AFAP1L1: variants seen among roughly 807,000 people sequenced by gnomAD.
AFAP1L1 encodes actin filament associated protein 1 like 1, also known as actin filament-associated protein 1-like 1.
In AFAP1L1, 77 loss-of-function variants were observed where a neutral mutation model predicts 99.8. That is an observed-to-expected ratio of 0.77 (90% CI 0.64 to 0.93). The LOEUF is 0.93. AFAP1L1 is among the 40% of genes least tolerant of loss of function. AFAP1L1 has a pLI of 0.00. For synonymous variants in AFAP1L1, 373 were observed against 395.3 expected, an observed-to-expected ratio of 0.94 and a Z score of 0.67; for missense variants, 893 against 996.8, an observed-to-expected ratio of 0.90 and a Z score of 1.40.
intron 8 of AFAP1L1, among the ~76,000 whole-genome samples, chr5:149,310,419 A>G (rs1237134152): frequency 6.6e-6 from 1 of 152,198 alleles, no homozygotes; most frequent in African/African-American, 2.4e-5. Flanking sequence ...CTGGAACTGG[A>G]GGCTTAGTAT....
At chr5:149,297,998 C>G (rs1170142395) in intron 1 of AFAP1L1, among the ~76,000 whole-genome samples, 1 of 152,206 alleles carries the variant, frequency 6.6e-6, no homozygotes, top group Non-Finnish European at 1.5e-5. Context: ...CTGTTATTAT[C>G]CTCCGCCTTT....
At chr5:149,332,261 C>T (rs971814609) in intron 16 of AFAP1L1, among the ~76,000 whole-genome samples, 1 of 152,048 alleles carries the variant, frequency 6.6e-6, no homozygotes. Context: ...GCTGGGTGTG[C>T]TGGCGTGTGC....
chr5:149,315,786 C>T (rs1261838677), intron 9 of AFAP1L1, 35 bp from the exon 10 acceptor site: 1 of 1,587,582 alleles, frequency 6.3e-7, no homozygotes, highest in Non-Finnish European at 8.6e-7. Flanking sequence ...TCTGAATGTG[C>T]CCTCTGATGA....
chr5:149,302,867 A>C (rs1053853424), intron 5 of AFAP1L1, among the ~76,000 whole-genome samples: 13 of 152,188 alleles, frequency 8.5e-5, no homozygotes, highest in Admixed American at 6.5e-5. Flanking sequence ...AGCTACACAG[A>C]TGACCACCAC....
chr5:149,327,774 C>CA, intron 15 of AFAP1L1, among the ~76,000 whole-genome samples: 1 of 152,128 alleles, frequency 6.6e-6, no homozygotes, highest in South Asian at 2.1e-4. Context: ...AGAAAAATGA[C>CA]AGAGCCTCAG....
intron 15 of AFAP1L1, among the ~76,000 whole-genome samples, chr5:149,324,492 A>G (rs1581336613): frequency 6.6e-6 from 1 of 152,250 alleles, no homozygotes; most frequent in Non-Finnish European, 1.5e-5. Flanking sequence ...CATCTAGTCT[A>G]TAGCCAAAGG....
At chr5:149,307,186 G>T (rs1756443721) in intron 6 of AFAP1L1, among the ~76,000 whole-genome samples, 1 of 152,066 alleles carries the variant, frequency 6.6e-6, no homozygotes, top group Non-Finnish European at 1.5e-5. Context: ...GGTAGAGGTT[G>T]CAGCGAGCCG....
chr5:149,278,079 C>T (rs1249491696), intron 1 of AFAP1L1, among the ~76,000 whole-genome samples: 3 of 152,200 alleles, frequency 2.0e-5, no homozygotes, highest in Non-Finnish European at 2.9e-5. Context: ...AAGAACATAT[C>T]GTTACTCCAT....
At chr5:149,291,293 C>T (rs778484565) in intron 1 of AFAP1L1, among the ~76,000 whole-genome samples, 1 of 151,894 alleles carries the variant, frequency 6.6e-6, no homozygotes, top group Non-Finnish European at 1.5e-5. Flanking sequence ...CTTTGGGAGG[C>T]TGAGGTGGGC....
intron 8 of AFAP1L1, among the ~76,000 whole-genome samples, chr5:149,310,902 T>C (rs567152000): frequency 6.6e-6 from 1 of 152,352 alleles, no homozygotes; most frequent in Non-Finnish European, 1.5e-5. Context: ...ACTGGCTGTG[T>C]GACCTTCTGC....
At chr5:149,277,187 C>A (rs1480706303) in intron 1 of AFAP1L1, among the ~76,000 whole-genome samples, 1 of 152,138 alleles carries the variant, frequency 6.6e-6, no homozygotes, top group Non-Finnish European at 1.5e-5. Flanking sequence ...ACAACTGGTT[C>A]TTTTTCAACT....
intron 12 of AFAP1L1, among the ~76,000 whole-genome samples, chr5:149,318,952 C>T (rs888215823): frequency 8.5e-5 from 13 of 152,114 alleles, no homozygotes; most frequent in East Asian, 3.9e-4. Context: ...ATATCGCCTC[C>T]GTAACTCACT....
chr5:149,312,356 A>G (rs1385502633), intron 9 of AFAP1L1, 152 bp downstream of exon 9: 1 of 744,390 alleles, frequency 1.3e-6, no homozygotes. Context: ...TAGGTGCTTA[A>G]TAAATGTCTC....
At chr5:149,302,800 TC>T (rs1473078402) in intron 5 of AFAP1L1, 19 of 307,282 alleles carry the variant, frequency 6.2e-5, no homozygotes, top group Non-Finnish European at 1.1e-4. Flanking sequence ...TCTCTGTGCT[TC>T]CACCCTTAAA....
intron 14 of AFAP1L1, among the ~76,000 whole-genome samples, chr5:149,321,389 C>T (rs932495097): frequency 1.3e-5 from 2 of 152,134 alleles, no homozygotes; most frequent in African/African-American, 2.4e-5. Flanking sequence ...TAAAACCTAC[C>T]TTCTTGGATA....
chr5:149,286,023 T>G (rs1338244152), intron 1 of AFAP1L1, among the ~76,000 whole-genome samples: 2 of 152,160 alleles, frequency 1.3e-5, no homozygotes, highest in Non-Finnish European at 2.9e-5. Flanking sequence ...GAACAAGTCA[T>G]CTACTCTGGC....
chr5:149,280,266 T>C (rs1329701842), intron 1 of AFAP1L1, among the ~76,000 whole-genome samples: 1 of 152,200 alleles, frequency 6.6e-6, no homozygotes. Flanking sequence ...GGGAAATATA[T>C]CTTGGATGGC....
At chr5:149,311,603 T>C (rs1359056045) in intron 8 of AFAP1L1, among the ~76,000 whole-genome samples, 1 of 152,232 alleles carries the variant, frequency 6.6e-6, no homozygotes, top group Non-Finnish European at 1.5e-5. Context: ...TGCTTATTGC[T>C]GTGTGGCCTT....
At chr5:149,333,717 AG>A (rs1469664229) in intron 17 of AFAP1L1, among the ~76,000 whole-genome samples, 1 of 152,234 alleles carries the variant, frequency 6.6e-6, no homozygotes, top group East Asian at 1.9e-4. Flanking sequence ...GATATCAAGT[AG>A]GATGTTAAGC....
Sources: gnomAD v4.1 joint callset for allele counts (sites outside exome capture counted in the v4.1 genomes callset) on GRCh38, gnomAD v4.1.1 for gene constraint, MANE v1.5 for transcripts, NCBI Gene and HGNC (gene_info 2026-07-23, HGNC 2026-07-21) for gene names.